PITPNC1: variants seen among roughly 807,000 people sequenced by gnomAD.
PITPNC1 encodes the protein phosphatidylinositol transfer protein cytoplasmic 1, also known as cytoplasmic phosphatidylinositol transfer protein 1.
Under a neutral mutation model 44.7 loss-of-function variants are expected in PITPNC1, and 18 were observed. The ratio of observed to expected loss-of-function variants is 0.40; its 90% CI spans 0.28 to 0.60. PITPNC1 has a LOEUF of 0.60. PITPNC1 is among the 20% of genes least tolerant of loss of function. The pLI, the probability that PITPNC1 is intolerant of heterozygous loss-of-function variation, is 0.39. For synonymous variants in PITPNC1, 141 were observed against 149.6 expected (o/e 0.94, Z 0.42); for missense variants, 290 against 418.4 (o/e 0.69, Z 2.68).
At chr17:67,635,930 C>G (rs2042026401) in intron 6 of PITPNC1, among the ~76,000 whole-genome samples, 1 of 152,192 alleles carries the variant, frequency 6.6e-6, no homozygotes, top group Admixed American at 6.6e-5. Context: ...GGAGGTGCTA[C>G]TGGTATCTAG....
intron 1 of PITPNC1, among the ~76,000 whole-genome samples, chr17:67,460,246 C>A (rs2143970376): frequency 6.6e-6 from 1 of 152,280 alleles, no homozygotes; most frequent in South Asian, 2.1e-4. Context: ...TTAGAGGTGG[C>A]TAAGCAGTTT....
rs116111075 is a variant in PITPNC1 at position 67,507,874 on chromosome 17, G to C, written c.49-24928G>C. On this transcript the variant is annotated intron_variant, in intron 1 of 8. Coordinates refer to ENST00000581322, the MANE Select transcript of PITPNC1 (RefSeq NM_012417.4). The stretch of plus-strand genomic sequence containing the variant: ...TTGTTGCTCCTGGGTACTGTTTAGT[G>C]CCCATCGCTCCATGGCTTCACTGAC... Among the ~76,000 whole-genome samples the C allele has an allele frequency of 3.7e-3, 567 of 151,854 alleles. 6 individuals are homozygous for C. The highest frequency in any genetic ancestry group is 0.013 in the African/African-American group (549 of 41,352).
intron 4 of PITPNC1, among the ~76,000 whole-genome samples, chr17:67,566,313 C>T (rs542900289): frequency 2.0e-5 from 3 of 152,276 alleles, no homozygotes; most frequent in African/African-American, 7.2e-5. Flanking sequence ...AAGCGATTCT[C>T]CTGCCTCAGC....
intron 5 of PITPNC1, among the ~76,000 whole-genome samples, chr17:67,586,720 T>C (rs1469600210): frequency 6.6e-6 from 1 of 152,220 alleles, no homozygotes; most frequent in Non-Finnish European, 1.5e-5. Flanking sequence ...CATTCAGATT[T>C]CACCAGTTTT....
At chr17:67,689,643 A>T (rs2042884289) in intron 8 of PITPNC1, among the ~76,000 whole-genome samples, 1 of 152,246 alleles carries the variant, frequency 6.6e-6, no homozygotes, top group Non-Finnish European at 1.5e-5. Context: ...CAGTGAGGAA[A>T]TAAGTCTTTT....
chr17:67,603,474 C>T (rs949737341), intron 5 of PITPNC1, among the ~76,000 whole-genome samples: 2 of 152,042 alleles, frequency 1.3e-5, no homozygotes, highest in Admixed American at 6.6e-5. Context: ...TATTAATATC[C>T]CCATTTTACA....
chr17:67,495,485 C>A (rs561916622), intron 1 of PITPNC1, among the ~76,000 whole-genome samples: 193 of 152,272 alleles, frequency 1.3e-3, no homozygotes, highest in Admixed American at 2.2e-3. Flanking sequence ...CACCCACTTA[C>A]TAGGCCTAGT....
intron 1 of PITPNC1, among the ~76,000 whole-genome samples, chr17:67,516,076 CT>C (rs1201791256): frequency 6.6e-6 from 1 of 152,164 alleles, no homozygotes; most frequent in Non-Finnish European, 1.5e-5. Flanking sequence ...TTTTGTACCC[CT>C]GGGTTACTTC....
chr17:67,414,991 CA>C (rs1404984069), intron 1 of PITPNC1, among the ~76,000 whole-genome samples: 2 of 152,102 alleles, frequency 1.3e-5, no homozygotes, highest in African/African-American at 4.8e-5. Context: ...AGCGATTCTC[CA>C]TCTCAGCCTC....
intron 4 of PITPNC1, among the ~76,000 whole-genome samples, chr17:67,573,648 C>T (rs1350897900): frequency 2.0e-5 from 3 of 151,408 alleles, no homozygotes; most frequent in East Asian, 1.9e-4. Flanking sequence ...CTACAACCCC[C>T]GCCTCCCGGG....
chr17:67,481,550 G>A (rs903476370), intron 1 of PITPNC1, among the ~76,000 whole-genome samples: 1 of 152,136 alleles, frequency 6.6e-6, no homozygotes, highest in African/African-American at 2.4e-5. Context: ...TGTTGCCCAG[G>A]TAGGTCTTGA....
intron 1 of PITPNC1, among the ~76,000 whole-genome samples, chr17:67,444,793 A>G (rs1266653423): frequency 3.3e-5 from 5 of 152,008 alleles, no homozygotes; most frequent in Non-Finnish European, 7.4e-5. Flanking sequence ...GCTACTCGGG[A>G]GGCTGAGGCA....
intron 1 of PITPNC1, among the ~76,000 whole-genome samples, chr17:67,519,494 T>A (rs1420559163): frequency 2.6e-5 from 4 of 152,166 alleles, no homozygotes; most frequent in Non-Finnish European, 5.9e-5. Flanking sequence ...AGATTTTTTT[T>A]AAATGTAGCA....
At chr17:67,425,698 A>AT (rs1256997406) in intron 1 of PITPNC1, among the ~76,000 whole-genome samples, 70 of 119,834 alleles carry the variant, frequency 5.8e-4, no homozygotes, top group Admixed American at 2.2e-3. Flanking sequence ...ATTAAAAAAA[A>AT]ATTTTTTTTT....
Position 67,664,770 on chromosome 17 carries a change from T to C in PITPNC1, c.463-4738T>C, listed in dbSNP as rs191856585. Among the ~76,000 whole-genome samples the C allele has an allele frequency of 8.3e-4, 126 of 152,172 alleles. 2 individuals are homozygous for C. The highest frequency in any genetic ancestry group is 4.7e-4 in the Non-Finnish European group (32 of 67,988). The stretch of plus-strand genomic sequence containing the variant: ...AATACAAAAAATTAGCTGGGCGTGG[T>C]GGCGCATGCCTGTAGTCCCAGCTAC... On this transcript the variant is annotated intron_variant, in intron 6 of 8. Transcript: ENST00000581322.
At chr17:67,402,438 G>A (rs897701620) in intron 1 of PITPNC1, among the ~76,000 whole-genome samples, 6 of 152,070 alleles carry the variant, frequency 3.9e-5, no homozygotes, top group Non-Finnish European at 7.4e-5. Flanking sequence ...TTCAGAAGCC[G>A]CATCAAACTG....
intron 8 of PITPNC1, among the ~76,000 whole-genome samples, chr17:67,681,602 C>A (rs2042707918): frequency 1.8e-5 from 2 of 113,886 alleles, no homozygotes; most frequent in South Asian, 3.2e-4. Context: ...GAGCAAAACC[C>A]TATCTCAAAA....
At chr17:67,639,888 G>T (rs945690781) in intron 6 of PITPNC1, among the ~76,000 whole-genome samples, 1 of 152,174 alleles carries the variant, frequency 6.6e-6, no homozygotes, top group African/African-American at 2.4e-5. Context: ...GTCATATTTA[G>T]CTGTACCCTT....
chr17:67,669,524 A>G lies in PITPNC1; in HGVS notation c.479A>G (p.Lys160Arg), dbSNP rs1469492077. ...YKESEDPKHFKSEKTGRGQLR... is the reference protein window; with the variant it reads ...YKESEDPKHFRSEKTGRGQLR... Reference sequence around the variant, plus strand: ...TTTTTCTAGGATCCTAAGCACTTCAAGTCAGAGAAGACAGGACGGGGACAG... The same window carrying G: ...TTTTTCTAGGATCCTAAGCACTTCAGGTCAGAGAAGACAGGACGGGGACAG... The change falls in exon 7 of 9, where the codon AAG becomes AGG. Residue 160 changes from lysine to arginine, a missense_variant. Coordinates refer to ENST00000581322, the MANE Select transcript of PITPNC1 (RefSeq NM_012417.4). 3 of 1,606,246 alleles carry G rather than the reference A, an allele frequency of 1.9e-6. No individual in the cohort carries two copies. The highest frequency in any genetic ancestry group is 2.6e-6 in the Non-Finnish European group (3 of 1,176,018).
Sources: allele counts gnomAD v4.1 joint callset (sites outside exome capture counted in the v4.1 genomes callset), GRCh38; gene constraint gnomAD v4.1.1; transcripts MANE v1.5; gene names NCBI Gene and HGNC (gene_info 2026-07-23, HGNC 2026-07-21).